QTMAN: variants seen among roughly 807,000 people sequenced by gnomAD.
QTMAN encodes the protein queuosine-tRNA mannosyltransferase.
the QTMAN span, among the ~76,000 whole-genome samples, chr2:144,305,251 T>C: frequency 6.6e-6 from 1 of 152,246 alleles, no homozygotes; most frequent in Non-Finnish European, 1.5e-5. Context: ...TTTGGGTCCA[T>C]AATCCATTTG....
the QTMAN span, among the ~76,000 whole-genome samples, chr2:144,097,775 CT>C: frequency 1.3e-5 from 2 of 152,186 alleles, no homozygotes; most frequent in African/African-American, 4.8e-5. Flanking sequence ...TTTTAAACCA[CT>C]TTATGCTTGC....
the QTMAN span, among the ~76,000 whole-genome samples, chr2:143,974,628 G>C: frequency 6.6e-6 from 1 of 152,126 alleles, no homozygotes; most frequent in East Asian, 1.9e-4. Context: ...GAATGTGTAT[G>C]TCTAGGAAAG....
the QTMAN span, among the ~76,000 whole-genome samples, chr2:144,075,779 G>A: frequency 6.6e-6 from 1 of 152,196 alleles, no homozygotes; most frequent in Non-Finnish European, 1.5e-5. Context: ...ACTGTTTTCG[G>A]CAAGAGCTCA....
At chr2:144,137,295 C>A in the QTMAN span, among the ~76,000 whole-genome samples, 2 of 152,224 alleles carry the variant, frequency 1.3e-5, 1 homozygote, top group South Asian at 4.1e-4. Flanking sequence ...ACAAGCTGTA[C>A]AATCATGGAG....
the QTMAN span, among the ~76,000 whole-genome samples, chr2:144,067,751 G>T: frequency 6.6e-6 from 1 of 152,168 alleles, no homozygotes; most frequent in Non-Finnish European, 1.5e-5. Context: ...GAAGAAGGGG[G>T]TGCTAGGCAT....
At chr2:143,974,930 C>T in the QTMAN span, among the ~76,000 whole-genome samples, 2 of 152,126 alleles carry the variant, frequency 1.3e-5, no homozygotes, top group African/African-American at 4.8e-5. Context: ...TAAGTCTTCA[C>T]AAAATATTCC....
the QTMAN span, among the ~76,000 whole-genome samples, chr2:143,953,910 G>A: frequency 3.3e-5 from 5 of 151,830 alleles, no homozygotes; most frequent in Non-Finnish European, 5.9e-5. Flanking sequence ...TTTTTAAGTG[G>A]CTGATGTTTT....
the QTMAN span, among the ~76,000 whole-genome samples, chr2:144,102,750 C>A: frequency 2.0e-5 from 3 of 152,210 alleles, no homozygotes; most frequent in East Asian, 5.8e-4. Context: ...AAGAAAAGAG[C>A]TATATTCATC....
At chr2:144,320,915 T>C in the QTMAN span, among the ~76,000 whole-genome samples, 2 of 152,200 alleles carry the variant, frequency 1.3e-5, no homozygotes, top group Admixed American at 6.5e-5. Context: ...TCATTTTACA[T>C]TGAAACTTCT....
At chr2:144,267,537 A>AT in the QTMAN span, among the ~76,000 whole-genome samples, 1 of 152,240 alleles carries the variant, frequency 6.6e-6, no homozygotes, top group Non-Finnish European at 1.5e-5. Context: ...GGAGTTAATC[A>AT]TAATTCTATG....
the QTMAN span, chr2:143,957,131 G>T: frequency 8.0e-7 from 1 of 1,257,148 alleles, no homozygotes; most frequent in Non-Finnish European, 1.1e-6. Context: ...AAATAACAGC[G>T]AACACACATA....
the QTMAN span, among the ~76,000 whole-genome samples, chr2:144,241,477 C>T: frequency 2.0e-5 from 3 of 152,218 alleles, no homozygotes; most frequent in African/African-American, 7.2e-5. Context: ...TTAACCCTTA[C>T]AGGTTTGTCA....
At chr2:144,080,292 G>T in the QTMAN span, among the ~76,000 whole-genome samples, 2 of 152,054 alleles carry the variant, frequency 1.3e-5, no homozygotes, top group African/African-American at 2.4e-5. Flanking sequence ...TGGAAAGAAT[G>T]ACATCCTTAA....
At chr2:144,143,435 G>C in the QTMAN span, among the ~76,000 whole-genome samples, 6 of 151,930 alleles carry the variant, frequency 3.9e-5, no homozygotes, top group African/African-American at 1.5e-4. Context: ...CATATTTGCT[G>C]AGACAGCCAA....
chr2:144,150,267 T>C, the QTMAN span, among the ~76,000 whole-genome samples: 1 of 152,042 alleles, frequency 6.6e-6, no homozygotes, highest in African/African-American at 2.4e-5. Context: ...CTGGTCTAGA[T>C]TCATGTTGCT....
chr2:144,021,926 G>A, the QTMAN span, among the ~76,000 whole-genome samples: 421 of 152,070 alleles, frequency 2.8e-3, 3 homozygotes, highest in African/African-American at 9.8e-3. Flanking sequence ...TCCAAAGGCA[G>A]GAAAGTCAAC....
At chr2:144,260,135 A>G in the QTMAN span, among the ~76,000 whole-genome samples, 1 of 152,170 alleles carries the variant, frequency 6.6e-6, no homozygotes, top group African/African-American at 2.4e-5. Flanking sequence ...GTTTTTTTCA[A>G]CTTTAGTGAA....
the QTMAN span, among the ~76,000 whole-genome samples, chr2:144,104,404 CA>C: frequency 6.6e-6 from 1 of 152,174 alleles, no homozygotes; most frequent in Admixed American, 6.5e-5. Context: ...GGGTCACTCC[CA>C]CCCTAACGCT....
At chr2:144,186,357 G>A in the QTMAN span, among the ~76,000 whole-genome samples, 1 of 152,154 alleles carries the variant, frequency 6.6e-6, no homozygotes, top group Non-Finnish European at 1.5e-5. Context: ...AAAGATTTCA[G>A]AGATTATGTT....
Sources: allele counts gnomAD v4.1 joint callset (sites outside exome capture counted in the v4.1 genomes callset), GRCh38; gene constraint gnomAD v4.1.1; transcripts MANE v1.5; gene names NCBI Gene and HGNC (gene_info 2026-07-23, HGNC 2026-07-21).